NEB: variants seen among roughly 807,000 people sequenced by gnomAD.
The protein encoded by NEB is nemaline myopathy type 2.
In NEB, 512 loss-of-function variants were observed where a neutral mutation model predicts 952.2. That is an observed-to-expected ratio of 0.54 (90% CI 0.50 to 0.58). The LOEUF (loss-of-function observed/expected upper bound fraction) is 0.58. NEB is among the 20% of genes least tolerant of loss of function. NEB has a pLI of 0.00. For synonymous variants in NEB, 2,900 were observed against 3,149.8 expected, an observed-to-expected ratio of 0.92 and a Z score of 2.66; for missense variants, 8,428 against 9,231.1, an observed-to-expected ratio of 0.91 and a Z score of 3.56.
Position 151,493,841 on chromosome 2 carries a change from T to A in NEB, c.24606A>T (p.Lys8202Asn), listed in dbSNP as rs761076471. The A allele has an allele frequency of 1.9e-6, 3 of 1,577,314 alleles. No individual in the cohort carries two copies. The stretch of plus-strand genomic sequence containing the variant: ...CAGGAGTAAAGGGTGTGGGGGTTGC[T>A]TTCCCCAGGTTCTCTTTGTATAACA... ...SSVLYKENLG[K>N]ATPTPFTPEM... Residue 8202 changes from lysine to asparagine, a missense_variant, in exon 175 of 182, where the codon AAA becomes AAT. Transcript: ENST00000397345.
At chr2:151,673,999 A>T (rs1015735150) in intron 36 of NEB, among the ~76,000 whole-genome samples, 4 of 152,118 alleles carry the variant, frequency 2.6e-5, no homozygotes, top group Non-Finnish European at 5.9e-5. Context: ...AGAAGTGTAT[A>T]CTTTTTCTGT....
intron 137 of NEB, 28 bp from the exon 138 acceptor site, chr2:151,540,476 C>T: frequency 6.6e-7 from 1 of 1,509,518 alleles, no homozygotes. Context: ...AAGAGAGAGA[C>T]AAGCTTAAGT....
At chr2:151,631,412 T>G (rs549517158) in intron 65 of NEB, 66 bp from the exon 66 acceptor site, 19 of 1,490,950 alleles carry the variant, frequency 1.3e-5, no homozygotes, top group Non-Finnish European at 1.2e-5. Flanking sequence ...AATATGCAAA[T>G]AGAATCAGTA....
At chr2:151,572,522 A>T (rs549981562) in intron 107 of NEB, among the ~76,000 whole-genome samples, 6 of 142,676 alleles carry the variant, frequency 4.2e-5, no homozygotes, top group South Asian at 2.3e-4. Context: ...TATATATATA[A>T]AATATATATA....
chr2:151,591,991 G>C, intron 95 of NEB, 43 bp downstream of exon 95: 1 of 1,549,534 alleles, frequency 6.5e-7, no homozygotes, highest in Non-Finnish European at 8.7e-7. Context: ...GGTTTGGTTA[G>C]GCAGAGAGCA....
In NEB at chr2:151,639,884, G is replaced by A. The variant is rs1487319364; in HGVS notation, c.8862C>T (p.Ala2954=). ...SVTDSLEQVL[A]KNNAITMNKR... The stretch of plus-strand genomic sequence containing the variant: ...TGTTCATAGTGATGGCATTATTTTT[G>A]GCCAACACTTGTTCCAGAGAGTCAG... The change falls in exon 62 of 182, where the codon GCC becomes GCT. Residue 2954 remains alanine, a synonymous_variant. Transcript: ENST00000397345. The A allele has an allele frequency of 1.2e-6, 2 of 1,613,248 alleles. No homozygotes were observed.
chr2:151,636,367 C>T (rs372350585), intron 63 of NEB, 33 bp from the exon 64 acceptor site: 3 of 1,510,264 alleles, frequency 2.0e-6, no homozygotes, highest in East Asian at 4.6e-5. Context: ...CAGATGCTGA[C>T]ATTTATATCT....
chr2:151,653,925 G>T (rs943775880), intron 52 of NEB, 67 bp downstream of exon 52: 2 of 1,007,646 alleles, frequency 2.0e-6, no homozygotes, highest in Non-Finnish European at 3.1e-6. Context: ...CATAAAAATA[G>T]TTACCGACAT....
intron 38 of NEB, among the ~76,000 whole-genome samples, chr2:151,669,555 G>A (rs540438521): frequency 2.6e-5 from 4 of 152,290 alleles, no homozygotes; most frequent in South Asian, 4.1e-4. Flanking sequence ...GGAGAGAGGG[G>A]CAGAGGAAGA....
chr2:151,653,523 G>T (rs567985801), intron 52 of NEB, among the ~76,000 whole-genome samples: 1 of 152,170 alleles, frequency 6.6e-6, no homozygotes, highest in African/African-American at 2.4e-5. Flanking sequence ...ATGTCCCAAG[G>T]TAATTTATTA....
intron 47 of NEB, 22 bp from the exon 48 acceptor site, chr2:151,658,112 A>G: frequency 6.8e-7 from 1 of 1,480,822 alleles, no homozygotes; most frequent in Non-Finnish European, 9.3e-7. Context: ...GGCAAAGGGA[A>G]GAGTTTTCTT....
intron 150 of NEB, 142 bp from the exon 151 acceptor site, chr2:151,525,415 G>T: frequency 1.6e-6 from 1 of 635,386 alleles, no homozygotes; most frequent in Non-Finnish European, 2.7e-6. Context: ...CCATATTCTA[G>T]TTCTTCTCTG....
Position 151,575,561 on chromosome 2 carries a change from G to A in NEB, c.17013+134C>T, listed in dbSNP as rs552538657. On this transcript the variant is annotated intron_variant, in intron 107 of 181. Transcript: ENST00000397345. ...TCCTCCTTGCCTCACTCCTAGTCAA[G>A]GGGTGACCACAAGGAGTCTTCCCCT... 349 of 665,878 alleles carry A rather than the reference G, an allele frequency of 5.2e-4. 3 individuals are homozygous for A. The highest frequency in any genetic ancestry group is 2.5e-3 in the African/African-American group (137 of 54,476). 41.2% of individuals were successfully genotyped at this position (665,878 alleles called of 1,614,324 possible).
intron 20 of NEB, among the ~76,000 whole-genome samples, chr2:151,693,470 T>C (rs923368333): frequency 2.8e-5 from 4 of 140,694 alleles, no homozygotes; most frequent in Non-Finnish European, 3.1e-5. Context: ...CATGTATCCA[T>C]GTGTTCTCAA....
At chr2:151,565,627 T>C (rs368475840) in intron 115 of NEB, 22 bp from the exon 116 acceptor site, 2 of 1,568,626 alleles carry the variant, frequency 1.3e-6, no homozygotes, top group African/African-American at 2.7e-5. Context: ...CGGAGACAAT[T>C]AAGACAGGTC....
intron 181 of NEB, chr2:151,486,568 T>G (rs78982474): frequency 6.6e-6 from 1 of 152,286 alleles, no homozygotes; most frequent in Non-Finnish European, 1.5e-5. Flanking sequence ...GTAGCAGCAT[T>G]ACTCATAATA....
At position 151,562,223 on chromosome 2, in the gene NEB, AAGAG is replaced by A; in HGVS notation, c.18892-13_18892-10del. ...TCATCTTTATACACATTCTGCAAGA[AAGAG>A]AGAACAATGAAATGTGGAAGGTATT... On this transcript the variant is annotated splice_polypyrimidine_tract_variant and intron_variant, in intron 120 of 181. Coordinates refer to ENST00000397345, the MANE Select transcript of NEB (RefSeq NM_001164508.2). 2 of 1,582,796 alleles carry A rather than the reference AAGAG, an allele frequency of 1.3e-6. No homozygotes were observed. The highest frequency in any genetic ancestry group is 1.7e-6 in the Non-Finnish European group (2 of 1,151,590).
At chr2:151,629,781 A>G in intron 67 of NEB, 135 bp from the exon 68 acceptor site, 1 of 666,514 alleles carries the variant, frequency 1.5e-6, no homozygotes, top group Non-Finnish European at 2.6e-6. Flanking sequence ...AATAGTGGAA[A>G]GCAAATAAAT....
chr2:151,499,899 C>T (rs1465112110), intron 168 of NEB, among the ~76,000 whole-genome samples: 1 of 152,054 alleles, frequency 6.6e-6, no homozygotes, highest in South Asian at 2.1e-4. Context: ...ATCTAATAGG[C>T]TTATGCACCA....
Sources: allele counts gnomAD v4.1 joint callset (sites outside exome capture counted in the v4.1 genomes callset), GRCh38; gene constraint gnomAD v4.1.1; transcripts MANE v1.5; gene names NCBI Gene and HGNC (gene_info 2026-07-23, HGNC 2026-07-21).